The following HECTD2 variants were observed in gnomAD, a reference collection of about 807,000 sequenced individuals.
HECTD2 encodes probable E3 ubiquitin-protein ligase HECTD2.
A neutral mutation model predicts 103.2 loss-of-function variants in HECTD2; 35 were observed. That is an observed-to-expected ratio of 0.34 (90% CI 0.26 to 0.45). The LOEUF (loss-of-function observed/expected upper bound fraction) is 0.45. Among genes scored for constraint, HECTD2 ranks in the 20% least tolerant of loss-of-function variants. The pLI, the probability that HECTD2 is intolerant of heterozygous loss-of-function variation, is 1.00. For synonymous variants in HECTD2, 281 were observed against 329.9 expected (o/e 0.85, Z 1.61); for missense variants, 596 against 937.4 (o/e 0.64, Z 4.76).
At chr10:91,485,071 G>T in intron 9 of HECTD2, 109 bp from the exon 10 acceptor site, 1 of 657,636 alleles carries the variant, frequency 1.5e-6, no homozygotes, top group Non-Finnish European at 2.4e-6. Context: ...TTTAAAATAG[G>T]AGTTTCTAGG....
intron 6 of HECTD2, 54 bp downstream of exon 6, chr10:91,478,319 A>T (rs748333373): frequency 9.5e-7 from 1 of 1,056,886 alleles, no homozygotes; most frequent in Non-Finnish European, 1.5e-6. Flanking sequence ...TAACTTACAC[A>T]TCATATATCT....
Position 91,512,613 on chromosome 10 carries a change from T to C in HECTD2, c.*229T>C, listed in dbSNP as rs1847466619. 4 of 478,300 alleles carry C rather than the reference T, an allele frequency of 8.4e-6. No homozygotes were observed. The highest frequency in any genetic ancestry group is 1.1e-5 in the Non-Finnish European group (3 of 267,200). 29.6% of individuals were successfully genotyped at this position (478,300 alleles called of 1,614,324 possible). On this transcript the variant is annotated 3_prime_UTR_variant, in exon 21 of 21. Transcript: ENST00000298068. ...GAAAAGTCCACATGGCAGAGACAGG[T>C]ATGGTCCAGTTCCTCTTTTATATAG...
chr10:91,501,120 T>C lies in HECTD2; in HGVS notation c.2067-71T>C, dbSNP rs1045555345. On this transcript the variant is annotated intron_variant, in intron 19 of 20. Coordinates refer to ENST00000298068, the MANE Select transcript of HECTD2 (RefSeq NM_182765.6). ...TTAAGGAAAGTCCTTTCCTTAGAGC[T>C]TCCTTTATATTACTTTATTATAGGA... The C allele has an allele frequency of 1.2e-5, 16 of 1,327,638 alleles. No homozygotes were observed. The African/African-American group carries it at 2.4e-4, about 20-fold the overall frequency. The allele number at this position is 1,327,638 out of a possible 1,614,324, so 82.2% of individuals were successfully genotyped here. A position where few individuals can be genotyped will look rare whatever the true frequency, so the allele number is the denominator to read the frequency against.
intron 4 of HECTD2, 138 bp from the exon 5 acceptor site, chr10:91,461,957 G>A: frequency 1.6e-6 from 1 of 620,910 alleles, no homozygotes; most frequent in Non-Finnish European, 2.7e-6. Context: ...TTTATTTTCA[G>A]AAATTTTGCC....
intron 20 of HECTD2, among the ~76,000 whole-genome samples, chr10:91,511,441 G>A (rs538041216): frequency 2.0e-5 from 3 of 151,958 alleles, no homozygotes; most frequent in South Asian, 2.1e-4. Context: ...TCTACTCCTC[G>A]GCTGCTAGAT....
At chr10:91,480,979 CT>C in intron 6 of HECTD2, 114 bp from the exon 7 acceptor site, 1 of 623,708 alleles carries the variant, frequency 1.6e-6, no homozygotes, top group South Asian at 2.0e-5. Context: ...CATATTAATC[CT>C]AGTTTTTGGC....
chr10:91,507,068 T>A (rs1006804272), intron 20 of HECTD2, among the ~76,000 whole-genome samples: 65 of 152,254 alleles, frequency 4.3e-4, no homozygotes, highest in African/African-American at 1.5e-3. Context: ...TTGACAAAAT[T>A]CAACAACGCT....
intron 2 of HECTD2, 126 bp from the exon 3 acceptor site, chr10:91,460,301 A>C: frequency 1.1e-6 from 1 of 873,190 alleles, no homozygotes; most frequent in Non-Finnish European, 1.7e-6. Context: ...GTTTTTCTTT[A>C]ATCTCAAAGT....
chr10:91,502,797 T>A (rs1169569044), intron 20 of HECTD2, among the ~76,000 whole-genome samples: 1 of 152,120 alleles, frequency 6.6e-6, no homozygotes, highest in African/African-American at 2.4e-5. Context: ...AATACAAAGG[T>A]GACATTACTT....
intron 5 of HECTD2, chr10:91,462,897 TA>T: frequency 3.1e-6 from 1 of 321,798 alleles, no homozygotes; most frequent in Non-Finnish European, 4.5e-6. Context: ...TTTCTCTTGG[TA>T]ATGTTTTGTA....
chr10:91,458,087 G>A (rs1444912953), intron 2 of HECTD2, among the ~76,000 whole-genome samples: 1 of 147,892 alleles, frequency 6.8e-6, no homozygotes, highest in East Asian at 1.9e-4. Flanking sequence ...AGTGAGTTCA[G>A]TATGGTTGAA....
chr10:91,434,573 T>C (rs1844033163), intron 2 of HECTD2, among the ~76,000 whole-genome samples: 2 of 152,082 alleles, frequency 1.3e-5, no homozygotes, highest in Admixed American at 6.6e-5. Context: ...ATTTAAATGG[T>C]TAATTTTCCA....
At chr10:91,455,433 T>C (rs973540508) in intron 2 of HECTD2, among the ~76,000 whole-genome samples, 1 of 152,184 alleles carries the variant, frequency 6.6e-6, no homozygotes, top group Non-Finnish European at 1.5e-5. Flanking sequence ...GTTTTTTTCT[T>C]GTAAATGTGT....
upstream of HECTD2, chr10:91,410,214 C>G (rs1293107170): frequency 6.6e-6 from 1 of 151,798 alleles, no homozygotes. Context: ...AGCAAGAAAC[C>G]TGTGGGACCT....
At chr10:91,428,221 G>C (rs892783641) in intron 2 of HECTD2, among the ~76,000 whole-genome samples, 3 of 151,766 alleles carry the variant, frequency 2.0e-5, no homozygotes, top group Non-Finnish European at 2.9e-5. Flanking sequence ...GCTCTGTTCC[G>C]TTCCATTGAT....
intron 12 of HECTD2, 130 bp downstream of exon 12, chr10:91,491,437 T>C: frequency 2.0e-6 from 1 of 510,112 alleles, no homozygotes; most frequent in Non-Finnish European, 3.5e-6. Context: ...TTTGAAGATC[T>C]TGTTGCATAC....
intron 1 of HECTD2, among the ~76,000 whole-genome samples, chr10:91,419,493 A>G (rs533222259): frequency 1.3e-5 from 2 of 152,260 alleles, no homozygotes; most frequent in South Asian, 4.1e-4. Context: ...TATATCATCA[A>G]AAAGACCATT....
At chr10:91,458,126 T>A (rs1269390919) in intron 2 of HECTD2, among the ~76,000 whole-genome samples, 1 of 151,082 alleles carries the variant, frequency 6.6e-6, no homozygotes, top group South Asian at 2.1e-4. Flanking sequence ...CAAAAATCAG[T>A]TATATTTCTT....
At chr10:91,461,131 G>T in intron 3 of HECTD2, 123 bp from the exon 4 acceptor site, 1 of 505,788 alleles carries the variant, frequency 2.0e-6, no homozygotes, top group Non-Finnish European at 3.5e-6. Context: ...ATATTAACTG[G>T]GACATATTTC....
Sources: gnomAD v4.1 joint callset for allele counts (sites outside exome capture counted in the v4.1 genomes callset) on GRCh38, gnomAD v4.1.1 for gene constraint, MANE v1.5 for transcripts, NCBI Gene and HGNC (gene_info 2026-07-23, HGNC 2026-07-21) for gene names.